MAP2K3: variants seen among roughly 807,000 people sequenced by gnomAD.
The protein encoded by MAP2K3 is dual specificity mitogen-activated protein kinase kinase 3.
Under a neutral mutation model 46.4 loss-of-function variants are expected in MAP2K3, and 30 were observed. The observed-to-expected ratio is 0.65, with a 90% CI of 0.48 to 0.88. The LOEUF (loss-of-function observed/expected upper bound fraction) is 0.88. Among genes scored for constraint, MAP2K3 ranks in the 40% least tolerant of loss-of-function variants. MAP2K3 has a pLI of 0.00. For missense variants in MAP2K3, 380 were observed against 464.5 expected, an observed-to-expected ratio of 0.82 and a Z score of 1.67; for synonymous variants, 189 against 176.3, an observed-to-expected ratio of 1.07 and a Z score of -0.57.
chr17:21,285,331 G>A (rs1975694711), intron 1 of MAP2K3: 3 of 974,546 alleles, frequency 3.1e-6, no homozygotes, highest in South Asian at 4.8e-5. Context: ...ACCCAGGTGA[G>A]ATTCACACTG....
At chr17:21,285,629 C>T (rs1006575202) in intron 1 of MAP2K3, among the ~76,000 whole-genome samples, 2 of 152,142 alleles carry the variant, frequency 1.3e-5, no homozygotes, top group African/African-American at 4.8e-5. Context: ...CCTTCCTTGT[C>T]CTCCCACCCC....
At chr17:21,305,525 G>A (rs1597825320) in intron 9 of MAP2K3, among the ~76,000 whole-genome samples, 3 of 152,290 alleles carry the variant, frequency 2.0e-5, no homozygotes, top group South Asian at 4.1e-4. Context: ...GGTACATTGC[G>A]GTGGGGTGGT....
chr17:21,290,744 G>A (rs1240278684), intron 1 of MAP2K3, among the ~76,000 whole-genome samples: 1 of 152,308 alleles, frequency 6.6e-6, no homozygotes, highest in Non-Finnish European at 1.5e-5. Flanking sequence ...GAGGGCAGGA[G>A]TTCACAACCA....
At chr17:21,292,450 C>T (rs996794758) in intron 1 of MAP2K3, among the ~76,000 whole-genome samples, 1 of 152,284 alleles carries the variant, frequency 6.6e-6, no homozygotes, top group Non-Finnish European at 1.5e-5. Context: ...TGGCTCACCA[C>T]AGCTCAGACG....
intron 6 of MAP2K3, 142 bp downstream of exon 6, chr17:21,302,401 C>T: frequency 2.3e-6 from 2 of 852,760 alleles, no homozygotes; most frequent in East Asian, 5.2e-5. Context: ...GGGCAGCTGC[C>T]CTGCATAGGC....
intron 1 of MAP2K3, among the ~76,000 whole-genome samples, chr17:21,295,174 C>T (rs1976169683): frequency 6.6e-6 from 1 of 152,312 alleles, no homozygotes; most frequent in Admixed American, 6.5e-5. Context: ...AAGCAGGTGT[C>T]TCATTCAGAG....
chr17:21,286,598 G>C (rs540692829), intron 1 of MAP2K3, among the ~76,000 whole-genome samples: 1 of 152,358 alleles, frequency 6.6e-6, no homozygotes, highest in East Asian at 1.9e-4. Context: ...CGTGGAGCTT[G>C]GGAACCAGGA....
chr17:21,288,434 G>C (rs762024303), intron 1 of MAP2K3, among the ~76,000 whole-genome samples: 1 of 152,278 alleles, frequency 6.6e-6, no homozygotes, highest in Non-Finnish European at 1.5e-5. Flanking sequence ...CTGGGACTCA[G>C]GGAGGGTGAG....
chr17:21,304,417 C>T lies in MAP2K3; in HGVS notation c.569-9C>T, dbSNP rs1413001317. On this transcript the variant is annotated splice_polypyrimidine_tract_variant and intron_variant, in intron 7 of 11. Coordinates refer to ENST00000342679, the MANE Select transcript of MAP2K3 (RefSeq NM_145109.3). ...ACAGACGTGGCTGAGGCATGTCCCT[C>T]CCTGGCAGATGTGAAGCCCTCCAAT... 1.2e-6 allele frequency: 2 copies of T among 1,614,190 alleles called. No homozygotes were observed. The highest frequency in any genetic ancestry group is 1.7e-6 in the Non-Finnish European group (2 of 1,180,062).
At chr17:21,297,121 C>T (rs1976299389) in intron 1 of MAP2K3, among the ~76,000 whole-genome samples, 1 of 152,308 alleles carries the variant, frequency 6.6e-6, no homozygotes, top group Non-Finnish European at 1.5e-5. Flanking sequence ...CCTTGTCTTC[C>T]CAGTAGCGGT....
intron 9 of MAP2K3, among the ~76,000 whole-genome samples, chr17:21,306,102 A>G (rs1423392409): frequency 6.6e-6 from 1 of 152,216 alleles, no homozygotes; most frequent in Admixed American, 6.5e-5. Context: ...AGTGCCCTGC[A>G]GTTCCGTTCG....
chr17:21,285,103 C>A, intron 1 of MAP2K3, 134 bp downstream of exon 1: 1 of 1,341,438 alleles, frequency 7.5e-7, no homozygotes, highest in South Asian at 1.4e-5. Flanking sequence ...GGAACCCCTT[C>A]CTGTTCGGGG....
chr17:21,298,754 G>T, intron 2 of MAP2K3, 124 bp from the exon 3 acceptor site: 1 of 1,427,306 alleles, frequency 7.0e-7, no homozygotes, highest in Non-Finnish European at 9.8e-7. Flanking sequence ...GGTGGCCGGA[G>T]AAGGCGCCTC....
In MAP2K3 at chr17:21,302,129, G is replaced by C; in HGVS notation, c.400-14G>C. On this transcript the variant is annotated splice_polypyrimidine_tract_variant and intron_variant, in intron 5 of 11. Coordinates refer to ENST00000342679, the MANE Select transcript of MAP2K3 (RefSeq NM_145109.3). ...AGCCCGGCAGCCTGGCTGAGCTCTGGGTGTCACCCACAGGGAGACGTGTGG... is the reference window on the plus strand; with the variant it reads ...AGCCCGGCAGCCTGGCTGAGCTCTGCGTGTCACCCACAGGGAGACGTGTGG... 1 of 1,614,134 alleles carries C rather than the reference G, an allele frequency of 6.2e-7. No homozygotes were observed. Among genetic ancestry groups the C allele is most frequent in the Non-Finnish European group, 8.5e-7 (1 of 1,179,918 alleles).
At chr17:21,285,071 C>T (rs1306472475) in intron 1 of MAP2K3, 102 bp downstream of exon 1, 6 of 1,466,150 alleles carry the variant, frequency 4.1e-6, no homozygotes, top group Middle Eastern at 1.7e-4. Flanking sequence ...CTGTTCTCGA[C>T]CTGGCAGCGG....
Position 21,287,914 on chromosome 17 carries a change from C to A in MAP2K3, c.49+2945C>A, listed in dbSNP as rs932856606. 7 of 665,144 alleles carry A rather than the reference C, an allele frequency of 1.1e-5. No individual in the cohort carries two copies. In the East Asian group the frequency reaches 3.3e-4, roughly 31 times the overall value. The allele number at this position is 665,144 out of a possible 1,614,324, so 41.2% of individuals were successfully genotyped here. The stretch of plus-strand genomic sequence containing the variant: ...ATCCTAGCCCTGCCTGCTGTGGCCA[C>A]CCCCCCAACCCCTGGCTGTCGGAAA... On this transcript the variant is annotated intron_variant, in intron 1 of 11. Coordinates refer to ENST00000342679, the MANE Select transcript of MAP2K3 (RefSeq NM_145109.3).
At chr17:21,293,530 C>T (rs1162586738) in intron 1 of MAP2K3, among the ~76,000 whole-genome samples, 9 of 152,310 alleles carry the variant, frequency 5.9e-5, no homozygotes, top group African/African-American at 9.6e-5. Flanking sequence ...CATGCTGGTC[C>T]GGAGCATCAC....
rs1567669619 is a variant in MAP2K3, at chr17:21,302,237, T to C, written c.494T>C (p.Ile165Thr). The C allele has an allele frequency of 1.3e-6, 2 of 1,507,394 alleles. No individual in the cohort carries two copies. The highest frequency in any genetic ancestry group is 2.8e-5 in the East Asian group (1 of 35,148). 93.4% of individuals were successfully genotyped at this position (1,507,394 alleles called of 1,614,324 possible). ...AAAAACATGACAATTCCAGAGGACA[T>C]CCTTGGGGAGATTGCTGTGTCTGTG... ...LDKNMTIPED[I>T]LGEIAVSIVR... is the part of the protein sequence containing the mutation. The change falls in exon 6 of 12, where the codon ATC becomes ACC. Residue 165 changes from isoleucine to threonine, a missense_variant. Ile to Thr is a moderately conservative substitution (Grantham distance 89, BLOSUM62 -1). This residue lies in a region of MAP2K3 where 294 missense variants were observed against 275.4 expected (regional missense o/e 1.07). Coordinates refer to ENST00000342679, the MANE Select transcript of MAP2K3 (RefSeq NM_145109.3).
Position 21,284,789 on chromosome 17 carries a change from C to CAGTCCTCGCCGCAGT in MAP2K3, c.-132_-131insAGTCCTCGCCGCAGT. The CAGTCCTCGCCGCAGT allele has an allele frequency of 9.4e-7, 1 of 1,060,666 alleles. No individual in the cohort carries two copies. The allele number at this position is 1,060,666 out of a possible 1,614,324, so 65.7% of individuals were successfully genotyped here. A position where few individuals can be genotyped will look rare whatever the true frequency, so the allele number is the denominator to read the frequency against. On this transcript the variant is annotated 5_prime_UTR_variant, in exon 1 of 12. Coordinates refer to ENST00000342679, the MANE Select transcript of MAP2K3 (RefSeq NM_145109.3). ...GCAGTCCTCGCCGCAGTCGCCGCCG[C>CAGTCCTCGCCGCAGT]CGCCGCCGCCGCCGCCGCTGCTCCT...
Sources: gnomAD v4.1 joint callset for allele counts (sites outside exome capture counted in the v4.1 genomes callset) on GRCh38, gnomAD v4.1.1 for gene constraint, gnomAD v4.1.1 regional missense constraint, MANE v1.5 for transcripts, NCBI Gene and HGNC (gene_info 2026-07-23, HGNC 2026-07-21) for gene names.